The following CCDC148 variants were observed in gnomAD, a reference collection of about 807,000 sequenced individuals.
CCDC148 encodes coiled-coil domain containing 148.
A neutral mutation model predicts 85.7 loss-of-function variants in CCDC148; 89 were observed. That is an observed-to-expected ratio of 1.04 (90% CI 0.87 to 1.24). The LOEUF is 1.24. Ranked by LOEUF, CCDC148 falls within the 50% of genes most tolerant of loss-of-function variation. The pLI, the probability that CCDC148 is intolerant of heterozygous loss-of-function variation, is 0.00. For missense variants in CCDC148, 692 were observed against 671.7 expected (o/e 1.03, Z -0.33); for synonymous variants, 230 against 213.9 (o/e 1.08, Z -0.66).
rs189352981 is a variant in CCDC148, at chr2:158,435,102, A to G, written c.25+21313T>C. Among the ~76,000 whole-genome samples, 1,334 of 152,308 alleles carry G rather than the reference A, an allele frequency of 8.8e-3. 15 individuals carry two copies. The highest frequency in any genetic ancestry group is 0.023 in the African/African-American group (954 of 41,558). On this transcript the variant is annotated intron_variant, in intron 1 of 13. Coordinates refer to ENST00000283233, the MANE Select transcript of CCDC148 (RefSeq NM_138803.4). ...CCCCAATCTAGCAAGGCAGGCCAAC[A>G]TTCAAATTCAGGAAATACAGAGAAT...
At chr2:158,246,106 T>C (rs1021760640) in intron 10 of CCDC148, among the ~76,000 whole-genome samples, 1 of 152,182 alleles carries the variant, frequency 6.6e-6, no homozygotes, top group Non-Finnish European at 1.5e-5. Context: ...AGATTACCTC[T>C]TGTTCAGAAA....
chr2:158,181,546 ACAGCTTT>A (rs1684904842), intron 11 of CCDC148, among the ~76,000 whole-genome samples: 1 of 152,130 alleles, frequency 6.6e-6, no homozygotes, highest in South Asian at 2.1e-4. Flanking sequence ...CATGGGAAAG[ACAGCTTT>A]CCCAGACTTG....
chr2:158,391,263 T>C (rs879874334), intron 1 of CCDC148, among the ~76,000 whole-genome samples: 1 of 152,170 alleles, frequency 6.6e-6, no homozygotes, highest in Non-Finnish European at 1.5e-5. Flanking sequence ...TAAAAAATAT[T>C]TGTGCTCAAA....
chr2:158,359,621 A>T (rs968551863), intron 1 of CCDC148, among the ~76,000 whole-genome samples: 1 of 152,116 alleles, frequency 6.6e-6, no homozygotes, highest in African/African-American at 2.4e-5. Context: ...GCCATGAGGG[A>T]CTGTGCCGTG....
rs1684316613 is a variant in CCDC148, at chr2:158,171,353, T to G, written c.*760A>C. 1 of 151,962 alleles carries G rather than the reference T, an allele frequency of 6.6e-6. No individual in the cohort carries two copies. Among genetic ancestry groups the G allele is most frequent in the South Asian group, 2.1e-4 (1 of 4,832 alleles). 9.4% of individuals were successfully genotyped at this position (151,962 alleles called of 1,614,324 possible). A position where few individuals can be genotyped will look rare whatever the true frequency, so the allele number is the denominator to read the frequency against. ...TGCTTGAAAAATTATTTTTTAGAAATAGTCAAATATTTATGTTTGAGTTTT... is the reference window on the plus strand; with the variant it reads ...TGCTTGAAAAATTATTTTTTAGAAAGAGTCAAATATTTATGTTTGAGTTTT... On this transcript the variant is annotated 3_prime_UTR_variant, in exon 14 of 14. Coordinates refer to ENST00000283233, the MANE Select transcript of CCDC148 (RefSeq NM_138803.4).
chr2:158,456,731 C>G lies in CCDC148; in HGVS notation c.-292G>C, dbSNP rs903982273. 7 of 461,652 alleles carry G rather than the reference C, an allele frequency of 1.5e-5. No individual in the cohort carries two copies. The highest frequency in any genetic ancestry group is 1.4e-4 in the African/African-American group (7 of 50,694). The allele number at this position is 461,652 out of a possible 1,614,324, so 28.6% of individuals were successfully genotyped here. ...CACCCACCCTCTCCAGGCCCTCTCG[C>G]GCTGAACAGCATCGGTCTCTATGGC... On this transcript the variant is annotated 5_prime_UTR_variant, in exon 1 of 14. Coordinates refer to ENST00000283233, the MANE Select transcript of CCDC148 (RefSeq NM_138803.4).
At chr2:158,419,231 C>T (rs1028157524) in intron 1 of CCDC148, among the ~76,000 whole-genome samples, 1 of 152,126 alleles carries the variant, frequency 6.6e-6, no homozygotes, top group African/African-American at 2.4e-5. Flanking sequence ...AGAATTAAAA[C>T]TCACAATGCC....
intron 10 of CCDC148, 80 bp from the exon 11 acceptor site, chr2:158,220,793 G>A (rs1687141009): frequency 1.9e-6 from 2 of 1,064,176 alleles, no homozygotes; most frequent in South Asian, 3.0e-5. Context: ...CATATCCACT[G>A]GTTCGTATTA....
At chr2:158,357,882 T>C (rs1683742706) in intron 2 of CCDC148, among the ~76,000 whole-genome samples, 1 of 152,206 alleles carries the variant, frequency 6.6e-6, no homozygotes, top group African/African-American at 2.4e-5. Context: ...AATACTGTTT[T>C]CAATGAACGC....
intron 1 of CCDC148, among the ~76,000 whole-genome samples, chr2:158,448,626 G>A (rs1358696784): frequency 6.6e-6 from 1 of 152,076 alleles, no homozygotes; most frequent in Non-Finnish European, 1.5e-5. Context: ...TCACAGGCAT[G>A]AGCCACTGCA....
intron 9 of CCDC148, among the ~76,000 whole-genome samples, chr2:158,283,216 T>C (rs1009970499): frequency 6.6e-6 from 1 of 152,176 alleles, no homozygotes; most frequent in Non-Finnish European, 1.5e-5. Flanking sequence ...GACACAGGCA[T>C]GGGCAAGGAC....
intron 11 of CCDC148, among the ~76,000 whole-genome samples, chr2:158,186,168 A>G (rs1175693963): frequency 6.6e-6 from 1 of 152,026 alleles, no homozygotes; most frequent in Admixed American, 6.6e-5. Context: ...TGTCTGTTCT[A>G]TGGTTCTTGG....
At chr2:158,298,006 C>T (rs145419790) in intron 9 of CCDC148, among the ~76,000 whole-genome samples, 2 of 152,310 alleles carry the variant, frequency 1.3e-5, no homozygotes, top group East Asian at 1.9e-4. Context: ...TTCAGCATGG[C>T]TGGGAGTCCT....
chr2:158,241,583 T>C (rs1423775798), intron 10 of CCDC148, among the ~76,000 whole-genome samples: 4 of 152,172 alleles, frequency 2.6e-5, no homozygotes, highest in Non-Finnish European at 5.9e-5. Flanking sequence ...TATGTACTTA[T>C]TGAACAAGCA....
At chr2:158,353,231 A>C (rs12614106) in intron 2 of CCDC148, among the ~76,000 whole-genome samples, 39,537 of 66,678 alleles carry the variant, frequency 0.59, 12,306 homozygotes, top group East Asian at 0.85. Flanking sequence ...TAACAATATT[A>C]ACTTTAAATG....
intron 7 of CCDC148, among the ~76,000 whole-genome samples, chr2:158,327,920 T>A (rs1360660369): frequency 6.6e-6 from 1 of 152,166 alleles, no homozygotes; most frequent in Non-Finnish European, 1.5e-5. Flanking sequence ...TCTGTTTCTT[T>A]CTTTCATGAG....
intron 1 of CCDC148, among the ~76,000 whole-genome samples, chr2:158,429,622 AAAAGG>A (rs1687247141): frequency 6.6e-6 from 1 of 152,208 alleles, no homozygotes; most frequent in South Asian, 2.1e-4. Context: ...GTAAATTGTT[AAAAGG>A]TTTTTCTGAG....
In CCDC148 at chr2:158,338,918, GTA is replaced by G. The variant is rs1383283157; in HGVS notation, c.583-13_583-12del. 3.7e-6 allele frequency: 6 copies of G among 1,600,376 alleles called. No individual in the cohort carries two copies. The highest frequency in any genetic ancestry group is 5.1e-6 in the Non-Finnish European group (6 of 1,174,990). ...AGAATGATCTAGAATCTGAAAAAAA[GTA>G]TATGATTATTTTATTTAACATAAAC... is the stretch of plus-strand genomic sequence containing the variant. On this transcript the variant is annotated splice_polypyrimidine_tract_variant and intron_variant, in intron 6 of 13. Transcript: ENST00000283233.
At chr2:158,331,122 T>C (rs1693087076) in intron 7 of CCDC148, among the ~76,000 whole-genome samples, 1 of 152,236 alleles carries the variant, frequency 6.6e-6, no homozygotes, top group East Asian at 1.9e-4. Context: ...TTTAGATCTT[T>C]CCTGCTTTCT....
Sources: gnomAD v4.1 joint callset for allele counts (sites outside exome capture counted in the v4.1 genomes callset) on GRCh38, gnomAD v4.1.1 for gene constraint, MANE v1.5 for transcripts, NCBI Gene and HGNC (gene_info 2026-07-23, HGNC 2026-07-21) for gene names.